Variants in CENPP observed in about 807,000 individuals in gnomAD.
CENPP encodes the protein centromere protein P.
Under a neutral mutation model 35.6 loss-of-function variants are expected in CENPP, and 24 were observed. The ratio of observed to expected loss-of-function variants is 0.67; its 90% confidence interval spans 0.49 to 0.95. CENPP has a LOEUF of 0.95. Ranked by LOEUF, CENPP falls within the 40% of genes least tolerant of loss-of-function variation. CENPP has a pLI of 0.00. For synonymous variants in CENPP, 120 were observed against 125.5 expected (o/e 0.96, Z 0.29); for missense variants, 332 against 345.3 (o/e 0.96, Z 0.31).
chr9:92,363,885 G>C (rs997851250), intron 4 of CENPP, among the ~76,000 whole-genome samples: 6 of 151,220 alleles, frequency 4.0e-5, no homozygotes, highest in African/African-American at 1.2e-4. Flanking sequence ...GTGTCACTCT[G>C]TTGCCCAGGC....
chr9:92,416,655 A>G (rs202005896), intron 5 of CENPP: 222 of 1,601,820 alleles, frequency 1.4e-4, no homozygotes, highest in Non-Finnish European at 1.8e-4. Context: ...AGGTGTTCCA[A>G]ATTTCTTGGA....
At chr9:92,390,108 A>G (rs1842610891) in intron 5 of CENPP, 11 of 1,047,482 alleles carry the variant, frequency 1.1e-5, no homozygotes, top group Non-Finnish European at 1.6e-5. Context: ...TTCTTATTGT[A>G]TGGACTGAAG....
chr9:92,420,707 C>T (rs1203044963), intron 5 of CENPP, among the ~76,000 whole-genome samples: 1 of 151,632 alleles, frequency 6.6e-6, no homozygotes, highest in Non-Finnish European at 1.5e-5. Flanking sequence ...TTATATGTAT[C>T]CCTACCTACA....
intron 5 of CENPP, among the ~76,000 whole-genome samples, chr9:92,439,966 C>G (rs1236621238): frequency 6.6e-6 from 1 of 152,166 alleles, no homozygotes; most frequent in African/African-American, 2.4e-5. Flanking sequence ...TGCTTTCCCC[C>G]ATTTGAGTTA....
At chr9:92,498,368 A>T (rs1183179516) in intron 5 of CENPP, among the ~76,000 whole-genome samples, 1 of 152,094 alleles carries the variant, frequency 6.6e-6, no homozygotes, top group African/African-American at 2.4e-5. Flanking sequence ...GTTAATGGGT[A>T]CAGCACACCA....
At chr9:92,505,651 T>G in intron 5 of CENPP, 1 of 1,607,132 alleles carries the variant, frequency 6.2e-7, no homozygotes, top group Non-Finnish European at 8.5e-7. Flanking sequence ...TTCACTGAGA[T>G]TGTTTCCTTC....
intron 5 of CENPP, among the ~76,000 whole-genome samples, chr9:92,533,411 A>G (rs929740329): frequency 3.9e-5 from 5 of 129,092 alleles, no homozygotes; most frequent in African/African-American, 1.5e-4. Flanking sequence ...GCTTGCCTCC[A>G]TTTTGTTTGT....
chr9:92,460,678 ACT>A, intron 5 of CENPP: 6 of 638,650 alleles, frequency 9.4e-6, no homozygotes, highest in East Asian at 2.9e-5. Context: ...TTAGGCACTA[ACT>A]CTTTTTTTTC....
At chr9:92,359,711 C>T (rs1841690771) in intron 4 of CENPP, among the ~76,000 whole-genome samples, 1 of 151,922 alleles carries the variant, frequency 6.6e-6, no homozygotes, top group Non-Finnish European at 1.5e-5. Context: ...CAATGGCTGC[C>T]TGACTCTTTG....
At chr9:92,521,826 A>G (rs1848087581) in intron 5 of CENPP, among the ~76,000 whole-genome samples, 1 of 152,202 alleles carries the variant, frequency 6.6e-6, no homozygotes, top group Admixed American at 6.5e-5. Context: ...TCACAGAATC[A>G]TCTGAATAAT....
rs1844221411 is a variant in CENPP at position 92,435,301 on chromosome 9, C to A, written c.564+55442C>A. Among the ~76,000 whole-genome samples the A allele has an allele frequency of 4.6e-5, 7 of 152,068 alleles. No individual in the cohort carries two copies. The South Asian group carries it at 1.5e-3, about 32-fold the overall frequency. ...CTCAAGTGGGCCCTGGTGTAGATTTCTCCTATTACCTTAGATTCTACTGCA... is the reference window on the plus strand; with the variant it reads ...CTCAAGTGGGCCCTGGTGTAGATTTATCCTATTACCTTAGATTCTACTGCA... On this transcript the variant is annotated intron_variant, in intron 5 of 7. Coordinates refer to ENST00000375587, the MANE Select transcript of CENPP (RefSeq NM_001012267.3).
intron 5 of CENPP, among the ~76,000 whole-genome samples, chr9:92,546,419 A>G (rs967891589): frequency 1.3e-5 from 2 of 152,206 alleles, no homozygotes; most frequent in Non-Finnish European, 2.9e-5. Context: ...CGCTGACTTT[A>G]TGAGCTGTAA....
intron 5 of CENPP, among the ~76,000 whole-genome samples, chr9:92,556,068 G>C (rs1482819218): frequency 6.6e-6 from 1 of 152,092 alleles, no homozygotes; most frequent in African/African-American, 2.4e-5. Flanking sequence ...CTATATCCCA[G>C]AGGTTTGATA....
Position 92,394,522 on chromosome 9 carries a change from A to T in CENPP, c.564+14663A>T, listed in dbSNP as rs2130907604. ...TGCCTCGGTCTCCCAAAGTGCCGGG[A>T]TTACAGACGTGAGCCATCACACCTG... On this transcript the variant is annotated intron_variant, in intron 5 of 7. Transcript: ENST00000375587. Among the ~76,000 whole-genome samples, 3 of 151,118 alleles carry T rather than the reference A, an allele frequency of 2.0e-5. No homozygotes were observed. The South Asian group carries it at 6.3e-4, about 32-fold the overall frequency.
At chr9:92,494,245 A>G in intron 5 of CENPP, 5 of 1,226,126 alleles carry the variant, frequency 4.1e-6, no homozygotes, top group Non-Finnish European at 5.7e-6. Context: ...CACCTTATTC[A>G]GTTTGAGCCC....
chr9:92,471,643 C>T (rs1372772996), intron 5 of CENPP, among the ~76,000 whole-genome samples: 2 of 151,346 alleles, frequency 1.3e-5, no homozygotes, highest in Non-Finnish European at 2.9e-5. Flanking sequence ...TTGATTTCCA[C>T]ATACTGATTC....
intron 4 of CENPP, among the ~76,000 whole-genome samples, chr9:92,351,985 T>C (rs952600615): frequency 2.0e-5 from 3 of 151,822 alleles, no homozygotes; most frequent in African/African-American, 7.3e-5. Flanking sequence ...GGTTCATCCA[T>C]GTGGCATAAG....
chr9:92,523,825 C>T lies in CENPP; in HGVS notation c.565-87489C>T, dbSNP rs58961523. Among the ~76,000 whole-genome samples the T allele has an allele frequency of 3.9e-3, 600 of 152,284 alleles. 6 individuals are homozygous for T. The highest frequency in any genetic ancestry group is 0.013 in the African/African-American group (560 of 41,554). On this transcript the variant is annotated intron_variant, in intron 5 of 7. Coordinates refer to ENST00000375587, the MANE Select transcript of CENPP (RefSeq NM_001012267.3). Reference sequence around the variant, plus strand: ...TGTTTATAGATAAGAGAGCAGGTTGCACTCAGAGCATGGGAACATAACGGC... The same window carrying T: ...TGTTTATAGATAAGAGAGCAGGTTGTACTCAGAGCATGGGAACATAACGGC...
intron 5 of CENPP, among the ~76,000 whole-genome samples, chr9:92,599,978 C>T (rs1479590982): frequency 1.3e-5 from 2 of 152,168 alleles, no homozygotes; most frequent in Non-Finnish European, 2.9e-5. Flanking sequence ...TTTCCTGGTC[C>T]GTGTCTTCTG....
Sources: allele counts gnomAD v4.1 joint callset (sites outside exome capture counted in the v4.1 genomes callset), GRCh38; gene constraint gnomAD v4.1.1; transcripts MANE v1.5; gene names NCBI Gene and HGNC (gene_info 2026-07-23, HGNC 2026-07-21).